Variants in OBSL1 observed in about 807,000 individuals in gnomAD.
OBSL1 encodes obscurin like cytoskeletal adaptor 1.
A neutral mutation model predicts 172.0 loss-of-function variants in OBSL1; 160 were observed. The observed-to-expected ratio is 0.93, with a 90% CI of 0.82 to 1.06. OBSL1 has a LOEUF of 1.06. Among genes scored for constraint, OBSL1 ranks in the 50% least tolerant of loss-of-function variants. The pLI, the probability that OBSL1 is intolerant of heterozygous loss-of-function variation, is 0.00. For missense variants in OBSL1, 2,681 were observed against 2,715.4 expected (o/e 0.99, Z 0.28); for synonymous variants, 1,200 against 1,196.3 (o/e 1.00, Z -0.06).
Position 219,563,651 on chromosome 2 carries a change from T to G in OBSL1, c.2408-24A>C, listed in dbSNP as rs762667617. On this transcript the variant is annotated intron_variant, in intron 6 of 20. Coordinates refer to ENST00000404537, the MANE Select transcript of OBSL1 (RefSeq NM_015311.3). ...ATCTGGGTGGGAAGCAGAGATGGCA[T>G]TGCACAGACACCCCCGCACAATGAG... The G allele has an allele frequency of 1.9e-6, 3 of 1,603,528 alleles. No homozygotes were observed. The African/African-American group carries it at 4.0e-5, about 21-fold the overall frequency.
In OBSL1 at chr2:219,570,355, A is replaced by AGGC. The variant is rs1427357140; in HGVS notation, c.875_877dup (p.Arg292dup). On this transcript the variant is annotated inframe_insertion, in exon 1 of 21. Transcript: ENST00000404537. ...GCCGCCGTCGCGGTCGCGGTACATGAGGCGGCGGCGGTCCGGGAGCAGCGG... is the reference window on the plus strand; with the variant it reads ...GCCGCCGTCGCGGTCGCGGTACATGAGGCGGCGGCGGCGGTCCGGGAGCAGCGG... The AGGC allele has an allele frequency of 1.9e-6, 3 of 1,612,868 alleles. No individual in the cohort carries two copies. The Admixed American group carries it at 5.0e-5, about 27-fold the overall frequency.
At position 219,559,512 on chromosome 2, in the gene OBSL1, C is replaced by A. The variant is rs541040229; in HGVS notation, c.2954-15G>T. 3 of 1,598,942 alleles carry A rather than the reference C, an allele frequency of 1.9e-6. No individual in the cohort carries two copies. Among genetic ancestry groups the A allele is most frequent in the South Asian group, 1.1e-5 (1 of 90,432 alleles). ...CACTGGGGGTTCTGCAGGGTGGGGA[C>A]AACCACAGCCTGTCACAAGCTCACC... On this transcript the variant is annotated splice_polypyrimidine_tract_variant and intron_variant, in intron 8 of 20. Coordinates refer to ENST00000404537, the MANE Select transcript of OBSL1 (RefSeq NM_015311.3).
At chr2:219,548,376 T>C (rs1695439193), downstream of OBSL1, among the ~76,000 whole-genome samples, 1 of 152,194 alleles carries the variant, frequency 6.6e-6, no homozygotes, top group Non-Finnish European at 1.5e-5. Context: ...ATAACAGAGA[T>C]GCAAACAAAC....
downstream of OBSL1, chr2:219,549,007 G>A (rs1695461855): frequency 2.4e-6 from 2 of 822,240 alleles, no homozygotes; most frequent in South Asian, 3.4e-5. Context: ...AGGAGACCAG[G>A]AAAGGAAGTG....
At chr2:219,553,746 G>A (rs1695803568) in intron 15 of OBSL1, 60 bp from the exon 16 acceptor site, 1 of 1,166,636 alleles carries the variant, frequency 8.6e-7, no homozygotes, top group African/African-American at 1.5e-5. Context: ...ATCTTGCAGG[G>A]ACAAGGAGGA....
At position 219,568,446 on chromosome 2, in the gene OBSL1, G is replaced by A; in HGVS notation, c.1013-122C>T. 2.0e-6 allele frequency: 2 copies of A among 984,066 alleles called. No individual in the cohort carries two copies. Among genetic ancestry groups the A allele is most frequent in the South Asian group, 3.5e-5 (2 of 57,944 alleles). 61.0% of individuals were successfully genotyped at this position (984,066 alleles called of 1,614,324 possible). On this transcript the variant is annotated intron_variant, in intron 1 of 20. Transcript: ENST00000404537. This position sits in a 1 kb window ranked among gnomAD's most constrained non-coding sequence, Gnocchi z 4.1. ...TTCATGCAGAGCCAGCGGGCACTGT[G>A]GAATCACAGAAAACTACCAGAAGGG...
At position 219,562,665 on chromosome 2, in the gene OBSL1, G is replaced by A. The variant is rs748312907; in HGVS notation, c.2690C>T (p.Ser897Leu). The A allele has an allele frequency of 2.2e-5, 34 of 1,550,368 alleles. No individual in the cohort carries two copies. Among genetic ancestry groups the A allele is most frequent in the South Asian group, 1.1e-4 (9 of 84,606 alleles). Residue 897 changes from serine (S) to leucine (L), a missense_variant, in exon 8 of 21, where the codon TCG becomes TTG. By Grantham distance (145) the Ser-to-Leu change is moderately radical. Around this residue, in one of 5 missense-constraint regions of OBSL1, gnomAD observed 1,765 missense variants for 1,748.3 expected, o/e 1.01. Transcript: ENST00000404537. ...CTTGCCGCTGGGATACACGATCCAC[G>A]AGGAGACGTCTGGAGGACAGGGACA... ...YFTVTITDVS[S>L]WIVYPSGKVY...
chr2:219,556,614 C>G lies in OBSL1; in HGVS notation c.4176G>C (p.Trp1392Cys). The part of the protein sequence containing the change: ...EVSPPDADVT[W>C]LRNGAVVTPG... The stretch of plus-strand genomic sequence containing the variant: ...GAGTGACGACGGCCCCATTGCGCAG[C>G]CAGGTGACATCGGCATCTGGTGGGG... The change falls in exon 13 of 21, where the codon TGG becomes TGC. Residue 1392 changes from tryptophan to cysteine, a missense_variant. This residue lies in a region of OBSL1 where 1,765 missense variants were observed against 1,748.3 expected (regional missense o/e 1.01). Coordinates refer to ENST00000404537, the MANE Select transcript of OBSL1 (RefSeq NM_015311.3). 1 of 1,613,966 alleles carries G rather than the reference C, an allele frequency of 6.2e-7. No homozygotes were observed. The highest frequency in any genetic ancestry group is 8.5e-7 in the Non-Finnish European group (1 of 1,179,888).
downstream of OBSL1, among the ~76,000 whole-genome samples, chr2:219,548,244 C>A (rs540253802): frequency 3.7e-4 from 56 of 152,320 alleles, 1 homozygote; most frequent in South Asian, 7.3e-3. Context: ...TGCCATCATT[C>A]ATTCCACAAC....
intron 17 of OBSL1, 49 bp from the exon 18 acceptor site, chr2:219,552,746 C>T (rs1309538657): frequency 7.9e-6 from 12 of 1,511,042 alleles, no homozygotes; most frequent in South Asian, 4.8e-5. Context: ...GGGCAGTTAC[C>T]GGTCACGCCC....
In OBSL1 at chr2:219,558,009, C is replaced by T. The variant is rs201887372; in HGVS notation, c.3604G>A (p.Ala1202Thr). 2.4e-4 allele frequency: 393 copies of T among 1,612,550 alleles called. 2 individuals carry two copies. The East Asian group carries it at 6.2e-3, about 25-fold the overall frequency. ...CCATTGTGGCTCCAGACCACGGGGG[C>T]GCCAGCCCGGGACAGTTCACAGCTC... ...VLSCELSRAG[A>T]PVVWSHNGRP... The change falls in exon 11 of 21, where the codon GCC becomes ACC. Residue 1202 changes from alanine to threonine, a missense_variant. Physicochemically the swap from Ala to Thr is moderately conservative, Grantham distance 58. Transcript: ENST00000404537.
chr2:219,553,516 G>A, intron 16 of OBSL1, 58 bp downstream of exon 16: 3 of 1,197,182 alleles, frequency 2.5e-6, no homozygotes, highest in Non-Finnish European at 3.7e-6. Context: ...TTTCTGTCTG[G>A]GGCATTATTA....
intron 5 of OBSL1, 137 bp from the exon 6 acceptor site, chr2:219,565,651 G>A (rs1696832521): frequency 1.2e-6 from 1 of 801,662 alleles, no homozygotes; most frequent in Non-Finnish European, 1.9e-6. Context: ...CTTAAGAGCA[G>A]TGCTTTGGCT....
chr2:219,556,827 CCTT>C (rs1696045937), intron 12 of OBSL1, 104 bp from the exon 13 acceptor site: 1 of 1,291,636 alleles, frequency 7.7e-7, no homozygotes, highest in Non-Finnish European at 1.1e-6. Context: ...ATTTAACAGA[CCTT>C]CTGTGAGGAC....
chr2:219,552,626 A>G lies in OBSL1; in HGVS notation c.5218T>C (p.Cys1740Arg). ...GTGGTCTCGACCTCCGACACGGTGCACTCGAACGTAGCGCCGTCGCCTTCG... is the reference window on the plus strand; with the variant it reads ...GTGGTCTCGACCTCCGACACGGTGCGCTCGAACGTAGCGCCGTCGCCTTCG... The part of the protein sequence containing the change: ...AREGDGATFE[C>R]TVSEVETTGR... The change falls in exon 18 of 21, where the codon TGC becomes CGC. Residue 1740 changes from cysteine to arginine, a missense_variant. Coordinates refer to ENST00000404537, the MANE Select transcript of OBSL1 (RefSeq NM_015311.3). The G allele has an allele frequency of 1.9e-6, 3 of 1,565,566 alleles. No homozygotes were observed. The highest frequency in any genetic ancestry group is 2.6e-6 in the Non-Finnish European group (3 of 1,161,562).
downstream of OBSL1, chr2:219,549,501 C>G: frequency 8.0e-7 from 1 of 1,252,146 alleles, no homozygotes; most frequent in Non-Finnish European, 1.1e-6. Context: ...AGCCCATGCA[C>G]CAGGGGCTTG....
chr2:219,547,985 C>T (rs2105995100), downstream of OBSL1: 2 of 1,586,098 alleles, frequency 1.3e-6, no homozygotes, highest in Non-Finnish European at 1.7e-6. Context: ...ACTCTGCTGG[C>T]GAAGCTGGGC....
At chr2:219,556,871 A>G (rs964248362) in intron 12 of OBSL1, 148 bp from the exon 13 acceptor site, 6 of 851,640 alleles carry the variant, frequency 7.0e-6, no homozygotes, top group Middle Eastern at 3.4e-4. Context: ...CGATGGCCCA[A>G]AGGACAAGAT....
chr2:219,566,688 G>A (rs1220916434), intron 5 of OBSL1, 142 bp downstream of exon 5: 1 of 901,444 alleles, frequency 1.1e-6, no homozygotes, highest in South Asian at 2.3e-5. Flanking sequence ...GGACCTCTGA[G>A]CCCTCAACCT....
Sources: allele counts gnomAD v4.1 joint callset (sites outside exome capture counted in the v4.1 genomes callset), GRCh38; gene constraint gnomAD v4.1.1; regional missense constraint gnomAD v4.1.1; non-coding constraint Gnocchi (gnomAD v3.1); transcripts MANE v1.5; gene names NCBI Gene and HGNC (gene_info 2026-07-23, HGNC 2026-07-21).